PMFBP1: variants seen among roughly 807,000 people sequenced by gnomAD.
PMFBP1 encodes polyamine-modulated factor 1-binding protein 1.
A neutral mutation model predicts 137.8 loss-of-function variants in PMFBP1; 131 were observed. The ratio of observed to expected loss-of-function variants is 0.95; its 90% confidence interval spans 0.82 to 1.10. PMFBP1 has a LOEUF of 1.10. Among genes scored for constraint, PMFBP1 ranks in the 50% least tolerant of loss-of-function variants. PMFBP1 has a pLI of 0.00. For missense variants in PMFBP1, 1,199 were observed against 1,175.4 expected (o/e 1.02, Z -0.29); for synonymous variants, 490 against 450.4 (o/e 1.09, Z -1.11).
intron 3 of PMFBP1, among the ~76,000 whole-genome samples, chr16:72,163,470 A>G (rs1244242569): frequency 2.0e-5 from 3 of 152,232 alleles, no homozygotes; most frequent in African/African-American, 4.8e-5. Context: ...TTATGCCAGG[A>G]GGTCTGCATG....
the PMFBP1 span, among the ~76,000 whole-genome samples, chr16:72,222,590 G>T: frequency 6.6e-6 from 1 of 152,072 alleles, no homozygotes; most frequent in African/African-American, 2.4e-5. Flanking sequence ...CCATCCCTCA[G>T]GTCATTTGTT....
At chr16:72,229,529 CT>C in the PMFBP1 span, among the ~76,000 whole-genome samples, 22 of 151,324 alleles carry the variant, frequency 1.5e-4, no homozygotes, top group African/African-American at 5.1e-4. Flanking sequence ...TTTCTTTTTT[CT>C]TTTTAATAAT....
At chr16:72,144,230 T>C (rs553334404) in intron 5 of PMFBP1, among the ~76,000 whole-genome samples, 2 of 152,194 alleles carry the variant, frequency 1.3e-5, no homozygotes, top group South Asian at 4.1e-4. Flanking sequence ...CCACAGGGCA[T>C]GCTAATTTCC....
intron 3 of PMFBP1, among the ~76,000 whole-genome samples, chr16:72,163,786 T>G (rs1462374658): frequency 6.6e-6 from 1 of 152,164 alleles, no homozygotes; most frequent in African/African-American, 2.4e-5. Flanking sequence ...CTGGATGGAA[T>G]TGGAGACTAT....
In PMFBP1 at chr16:72,139,106, TG is replaced by T. The variant is rs749420039; in HGVS notation, c.918+182del. On this transcript the variant is annotated intron_variant, in intron 7 of 20. Transcript: ENST00000237353. ...CAGGTGCAGTTCCAAAATTGAATGC[TG>T]CCTGTCTTTTGGGTTTGGCATACAT... is the stretch of plus-strand genomic sequence containing the variant. Among the ~76,000 whole-genome samples the T allele has an allele frequency of 2.3e-4, 35 of 152,368 alleles. 2 individuals are homozygous for T. Among genetic ancestry groups the T allele is most frequent in the Admixed American group, 1.0e-3 (16 of 15,310 alleles).
chr16:72,212,383 G>A, the PMFBP1 span, among the ~76,000 whole-genome samples: 4 of 151,978 alleles, frequency 2.6e-5, no homozygotes, highest in Admixed American at 2.6e-4. Context: ...TCTAGAAGAG[G>A]TTGGCAATGA....
chr16:72,230,815 T>C, the PMFBP1 span, among the ~76,000 whole-genome samples: 1 of 152,158 alleles, frequency 6.6e-6, no homozygotes, highest in Non-Finnish European at 1.5e-5. Context: ...CACAGTGACC[T>C]CCCAACTGGT....
the PMFBP1 span, among the ~76,000 whole-genome samples, chr16:72,198,253 G>T: frequency 6.6e-6 from 1 of 152,108 alleles, no homozygotes; most frequent in Non-Finnish European, 1.5e-5. Flanking sequence ...ACACATCATA[G>T]AGTGAGGCCA....
At chr16:72,164,312 G>A in intron 3 of PMFBP1, 3 of 933,424 alleles carry the variant, frequency 3.2e-6, no homozygotes, top group Non-Finnish European at 4.5e-6. Context: ...AAAGCTTGCA[G>A]GCAGTGAGAC....
the PMFBP1 span, among the ~76,000 whole-genome samples, chr16:72,225,934 G>GACACACACACACACACAC: frequency 4.3e-4 from 61 of 140,768 alleles, no homozygotes; most frequent in African/African-American, 1.5e-3. Context: ...CACACTCACA[G>GACACACACACACACACAC]ACACACACAC....
chr16:72,202,865 G>A, the PMFBP1 span, among the ~76,000 whole-genome samples: 11 of 152,326 alleles, frequency 7.2e-5, no homozygotes, highest in East Asian at 1.9e-3. Context: ...GTGTTCTACA[G>A]TTACCTGCTG....
chr16:72,139,811 C>A (rs77337009), intron 6 of PMFBP1, among the ~76,000 whole-genome samples: 1 of 151,922 alleles, frequency 6.6e-6, no homozygotes, highest in Non-Finnish European at 1.5e-5. Flanking sequence ...AAATAAAAAA[C>A]ATGAAATTTT....
intron 3 of PMFBP1, among the ~76,000 whole-genome samples, chr16:72,158,174 G>A (rs2043010314): frequency 6.6e-6 from 1 of 152,148 alleles, no homozygotes; most frequent in Non-Finnish European, 1.5e-5. Flanking sequence ...CTCATCTTAA[G>A]TGCCTCAGAA....
the PMFBP1 span, among the ~76,000 whole-genome samples, chr16:72,209,849 T>C: frequency 6.6e-6 from 1 of 152,204 alleles, no homozygotes; most frequent in African/African-American, 2.4e-5. Context: ...ATGCAGAAGA[T>C]GGAAAGGCAG....
the PMFBP1 span, among the ~76,000 whole-genome samples, chr16:72,242,797 G>T: frequency 6.6e-6 from 1 of 152,162 alleles, no homozygotes; most frequent in East Asian, 1.9e-4. Context: ...ATCTAAACTG[G>T]CCCATATAAA....
At position 72,164,914 on chromosome 16, in the gene PMFBP1, C is replaced by T. The variant is rs550862432; in HGVS notation, c.15G>A (p.Ala5=). The T allele has an allele frequency of 8.0e-5, 127 of 1,580,546 alleles. No individual in the cohort carries two copies. In the South Asian group the frequency reaches 9.2e-4, roughly 11 times the overall value. The change falls in exon 3 of 21, where the codon GCG becomes GCA. Residue 5 remains alanine (A), a splice_region_variant and synonymous_variant. Coordinates refer to ENST00000237353, the MANE Select transcript of PMFBP1 (RefSeq NM_031293.3). MKDE[A]GERDREVSSL... ...TGCTCACTTCTCTGTCTCTCTCCCC[C>T]GCCTAGGCAGCCAGAAAAACAAAAG...
At chr16:72,127,117 T>C (rs867354991) in intron 14 of PMFBP1, among the ~76,000 whole-genome samples, 14 of 152,362 alleles carry the variant, frequency 9.2e-5, no homozygotes, top group Middle Eastern at 6.8e-3. Flanking sequence ...TTTGGTATTC[T>C]AGCACACCTG....
intron 20 of PMFBP1, chr16:72,119,560 G>A (rs1198284471): frequency 6.2e-6 from 9 of 1,450,498 alleles, no homozygotes; most frequent in South Asian, 1.5e-5. Flanking sequence ...GTTTCCAGAC[G>A]TAGAAGGAAG....
the PMFBP1 span, among the ~76,000 whole-genome samples, chr16:72,193,662 A>G: frequency 2.0e-5 from 3 of 151,560 alleles, no homozygotes; most frequent in Non-Finnish European, 2.9e-5. Context: ...GATACCTACT[A>G]TGAAGAACTT....
Sources: gnomAD v4.1 joint callset for allele counts (sites outside exome capture counted in the v4.1 genomes callset) on GRCh38, gnomAD v4.1.1 for gene constraint, MANE v1.5 for transcripts, NCBI Gene and HGNC (gene_info 2026-07-23, HGNC 2026-07-21) for gene names.